Variants in C17orf67 observed in about 807,000 individuals in gnomAD.
C17orf67 encodes the protein chromosome 17 open reading frame 67, also known as uncharacterized protein C17orf67.
C17orf67 carries 12 observed loss-of-function variants against 11.2 expected under a neutral mutation model. The observed-to-expected ratio is 1.07, with a 90% CI of 0.68 to 1.73. C17orf67 has a LOEUF of 1.73. Ranked by LOEUF, C17orf67 falls within the 40% of genes most tolerant of loss-of-function variation. The pLI, the probability that C17orf67 is intolerant of heterozygous loss-of-function variation, is 0.00. For synonymous variants in C17orf67, 59 were observed against 46.9 expected (o/e 1.26, Z -1.05); for missense variants, 115 against 113.5 (o/e 1.01, Z -0.06).
In C17orf67 at chr17:56,792,605, A is replaced by ATGG. The variant is rs1169561976; in HGVS notation, c.*21-256_*21-254dup. Among the ~76,000 whole-genome samples, 15 of 73,624 alleles carry ATGG rather than the reference A, an allele frequency of 2.0e-4. No individual in the cohort carries two copies. The East Asian group carries it at 7.9e-3, about 39-fold the overall frequency. 48.3% of individuals were successfully genotyped at this position (73,624 alleles called of 152,430 possible). ...GGTGATGGTAATAGTGATGATGGTT[A>ATGG]TGGTGGTGGTGGTGATAATGGTGAT... On this transcript the variant is annotated intron_variant, in intron 7 of 7. Transcript: ENST00000397861.
At chr17:56,801,844 A>G (rs189407253) in intron 6 of C17orf67, among the ~76,000 whole-genome samples, 100 of 152,266 alleles carry the variant, frequency 6.6e-4, no homozygotes, top group African/African-American at 2.3e-3. Context: ...ATATAACTTT[A>G]CTTGTTCAAC....
rs1356151258 is a variant in C17orf67, at chr17:56,815,053, C to T, written c.56-84G>A. ...TCAACAGTCCAAGGCAAAAGATTTG[C>T]AAGTTCAATTTTGGTTAAAACATGA... On this transcript the variant is annotated intron_variant, in intron 5 of 7. Coordinates refer to ENST00000397861, the MANE Select transcript of C17orf67 (RefSeq NM_001085430.4). 3.4e-6 allele frequency: 4 copies of T among 1,192,726 alleles called. No individual in the cohort carries two copies. In the Admixed American group the frequency reaches 5.2e-5, roughly 15 times the overall value. The allele number at this position is 1,192,726 out of a possible 1,614,324, so 73.9% of individuals were successfully genotyped here. A position where few individuals can be genotyped will look rare whatever the true frequency, so the allele number is the denominator to read the frequency against.
At chr17:56,819,583 C>T (rs904590345) in intron 4 of C17orf67, among the ~76,000 whole-genome samples, 20 of 152,212 alleles carry the variant, frequency 1.3e-4, no homozygotes, top group Admixed American at 9.8e-4. Context: ...CTGCAAGTCT[C>T]GGGTGGGGAG....
intron 4 of C17orf67, among the ~76,000 whole-genome samples, chr17:56,822,066 C>CACCA (rs1905917077): frequency 6.6e-6 from 1 of 152,166 alleles, no homozygotes; most frequent in African/African-American, 2.4e-5. Context: ...TCAACCCAGC[C>CACCA]CGGTCTATTT....
At chr17:56,805,872 T>C (rs541002639) in intron 6 of C17orf67, among the ~76,000 whole-genome samples, 3 of 152,048 alleles carry the variant, frequency 2.0e-5, no homozygotes, top group Non-Finnish European at 4.4e-5. Context: ...GGATAGAAAA[T>C]TGTAGATACT....
Position 56,793,112 on chromosome 17 carries a change from A to G in C17orf67, c.*21-760T>C, listed in dbSNP as rs1290411200. On this transcript the variant is annotated intron_variant, in intron 7 of 7. Coordinates refer to ENST00000397861, the MANE Select transcript of C17orf67 (RefSeq NM_001085430.4). ...GAAGAACAAACACCATCCAGCTATC[A>G]TTTTCTGAGCACTTCCTTTGTGTGC... Among the ~76,000 whole-genome samples, 3 of 151,970 alleles carry G rather than the reference A, an allele frequency of 2.0e-5. No individual in the cohort carries two copies. In the East Asian group the frequency reaches 5.8e-4, roughly 29 times the overall value.
chr17:56,810,276 CCT>C (rs1905587908), intron 6 of C17orf67, among the ~76,000 whole-genome samples: 1 of 148,526 alleles, frequency 6.7e-6, no homozygotes, highest in Non-Finnish European at 1.5e-5. Flanking sequence ...CCTCATGCAC[CCT>C]CACACACCTT....
chr17:56,796,415 A>G (rs982255629), intron 6 of C17orf67, among the ~76,000 whole-genome samples: 2 of 152,244 alleles, frequency 1.3e-5, no homozygotes, highest in African/African-American at 4.8e-5. Flanking sequence ...CCTTGAGAAC[A>G]TTATGCTAAG....
chr17:56,807,250 C>T (rs1032938104), intron 6 of C17orf67, among the ~76,000 whole-genome samples: 3 of 152,134 alleles, frequency 2.0e-5, no homozygotes, highest in Non-Finnish European at 4.4e-5. Flanking sequence ...GCGAGGCATG[C>T]TGGGAAAGTG....
chr17:56,818,487 T>C (rs1905816437), intron 4 of C17orf67, among the ~76,000 whole-genome samples: 1 of 152,158 alleles, frequency 6.6e-6, no homozygotes, highest in African/African-American at 2.4e-5. Flanking sequence ...ATTATGCCAC[T>C]ACACTCAAGT....
intron 7 of C17orf67, among the ~76,000 whole-genome samples, chr17:56,794,232 C>A (rs1905167284): frequency 6.6e-6 from 1 of 152,188 alleles, no homozygotes; most frequent in Admixed American, 6.5e-5. Flanking sequence ...GTCCCTGTGT[C>A]AATTCACAGT....
chr17:56,823,940 C>T (rs1261306017), intron 4 of C17orf67, among the ~76,000 whole-genome samples: 3 of 152,176 alleles, frequency 2.0e-5, no homozygotes, highest in Non-Finnish European at 4.4e-5. Context: ...GCATATTACT[C>T]AATGAAAGAA....
chr17:56,826,396 A>G (rs1209106975), intron 2 of C17orf67, among the ~76,000 whole-genome samples: 1 of 152,226 alleles, frequency 6.6e-6, no homozygotes, highest in African/African-American at 2.4e-5. Context: ...TGCTTTAGAG[A>G]TCTCATCTAA....
Position 56,808,995 on chromosome 17 carries a change from G to A in C17orf67, c.156+5874C>T, listed in dbSNP as rs528713734. On this transcript the variant is annotated intron_variant, in intron 6 of 7. Transcript: ENST00000397861. ...ATGGAGAAGCAAAATAAAATAACCT[G>A]ACCAGTCATCTCTCGGTGATTTAGT... is the stretch of plus-strand genomic sequence containing the variant. 3.2e-4 allele frequency among the ~76,000 whole-genome samples: 48 copies of A among 151,984 alleles called. 1 individual carries two copies. The South Asian group carries it at 0.01, about 32-fold the overall frequency.
At chr17:56,823,122 A>G (rs1905945289) in intron 4 of C17orf67, among the ~76,000 whole-genome samples, 1 of 152,258 alleles carries the variant, frequency 6.6e-6, no homozygotes, top group Admixed American at 6.5e-5. Context: ...TGAACCATGC[A>G]CAAAATAATT....
chr17:56,800,144 C>T (rs1015324876), intron 6 of C17orf67, among the ~76,000 whole-genome samples: 1 of 146,564 alleles, frequency 6.8e-6, no homozygotes, highest in Non-Finnish European at 1.5e-5. Flanking sequence ...CGGCTCACTG[C>T]AAGCTCCGCT....
At chr17:56,832,586 G>T (rs912025156) in intron 2 of C17orf67, among the ~76,000 whole-genome samples, 72 of 152,098 alleles carry the variant, frequency 4.7e-4, no homozygotes, top group African/African-American at 1.7e-3. Flanking sequence ...TCCCATAACA[G>T]CCATCTAACA....
At chr17:56,818,449 C>T (rs1297089213) in intron 4 of C17orf67, among the ~76,000 whole-genome samples, 4 of 152,014 alleles carry the variant, frequency 2.6e-5, no homozygotes, top group Non-Finnish European at 4.4e-5. Context: ...CACTTGAGCC[C>T]GGGAGTTCAA....
chr17:56,803,590 G>GGAAAAAT (rs1243877901), intron 6 of C17orf67, among the ~76,000 whole-genome samples: 2 of 151,956 alleles, frequency 1.3e-5, no homozygotes, highest in African/African-American at 2.4e-5. Context: ...AAAGCTCACT[G>GGAAAAAT]GAAAAATGTA....
Sources: gnomAD v4.1 joint callset for allele counts (sites outside exome capture counted in the v4.1 genomes callset) on GRCh38, gnomAD v4.1.1 for gene constraint, MANE v1.5 for transcripts, NCBI Gene and HGNC (gene_info 2026-07-23, HGNC 2026-07-21) for gene names.